FRYL: variants seen among roughly 807,000 people sequenced by gnomAD.
FRYL encodes the protein FRY like transcription coactivator.
A neutral mutation model predicts 351.2 loss-of-function variants in FRYL; 150 were observed. That is an observed-to-expected ratio of 0.43 (90% CI 0.37 to 0.49). The LOEUF is 0.49. FRYL is among the 20% of genes least tolerant of loss of function. FRYL has a pLI of 0.00. For missense variants in FRYL, 3,036 were observed against 3,619.3 expected (o/e 0.84, Z 4.13); for synonymous variants, 1,153 against 1,257.1 (o/e 0.92, Z 1.75).
rs1553957679 is a variant in FRYL at position 48,632,110 on chromosome 4, A to ATATATG, written c.120+2180_120+2181insCATATA. ...AAAAAAAATATATATATATATATAT[A>ATATATG]TATATATATATATATATATGCGCAC... On this transcript the variant is annotated intron_variant, in intron 4 of 63. Coordinates refer to ENST00000358350, the MANE Select transcript of FRYL (RefSeq NM_015030.2). Among the ~76,000 whole-genome samples, 226 of 94,722 alleles carry ATATATG rather than the reference A, an allele frequency of 2.4e-3. 4 individuals carry two copies. The highest frequency in any genetic ancestry group is 4.0e-3 in the Non-Finnish European group (196 of 49,238). The allele number at this position is 94,722 out of a possible 152,430, so 62.1% of individuals were successfully genotyped here.
rs574561990 is a variant in FRYL at position 48,695,060 on chromosome 4, T to TCAAA, written c.-203-10269_-203-10266dup. Among the ~76,000 whole-genome samples the TCAAA allele has an allele frequency of 2.6e-3, 398 of 152,216 alleles. 2 individuals are homozygous for TCAAA. Among genetic ancestry groups the TCAAA allele is most frequent in the African/African-American group, 3.9e-3 (164 of 41,538 alleles). On this transcript the variant is annotated intron_variant, in intron 2 of 63. Transcript: ENST00000358350. ...CTGGGCAACAGAGTGAGACCCTGTT[T>TCAAA]CAAACAAACAAACAAACAAACAAAC...
intron 57 of FRYL, 122 bp downstream of exon 57, chr4:48,512,359 G>GAA: frequency 4.3e-6 from 3 of 697,656 alleles, no homozygotes; most frequent in Non-Finnish European, 7.1e-6. Context: ...CATTAGCTTA[G>GAA]AAAAAAAAAA....
At chr4:48,664,620 C>G (rs562182566) in intron 3 of FRYL, among the ~76,000 whole-genome samples, 2 of 152,196 alleles carry the variant, frequency 1.3e-5, no homozygotes, top group South Asian at 4.1e-4. Context: ...ATCTAAAATA[C>G]AAAGGGATGA....
At chr4:48,691,343 G>A (rs1765658255) in intron 2 of FRYL, among the ~76,000 whole-genome samples, 1 of 151,670 alleles carries the variant, frequency 6.6e-6, no homozygotes, top group African/African-American at 2.4e-5. Context: ...AAAAGGACCA[G>A]TTGAAAAAAA....
At chr4:48,550,138 A>C (rs1352430028) in intron 38 of FRYL, among the ~76,000 whole-genome samples, 1 of 152,196 alleles carries the variant, frequency 6.6e-6, no homozygotes, top group Non-Finnish European at 1.5e-5. Flanking sequence ...AAATGAGGAG[A>C]TTGGACCAGA....
rs367781316 is a variant in FRYL, at chr4:48,515,031, G to C, written c.7934C>G (p.Ser2645Cys). The C allele has an allele frequency of 7.4e-6, 12 of 1,613,146 alleles. No homozygotes were observed. Among genetic ancestry groups the C allele is most frequent in the Admixed American group, 6.7e-5 (4 of 59,938 alleles). Residue 2645 changes from serine to cysteine, a missense_variant, in exon 56 of 64, where the codon TCT becomes TGT. Transcript: ENST00000358350. ...GTTTATGATACTGTATTCTCACCTA[G>C]ACAGTCCGGAGAAATCCGCTTCTTC... ...EEEEADFSGL[S>C]SQDEEEQDGF...
intron 1 of FRYL, among the ~76,000 whole-genome samples, chr4:48,743,870 T>C (rs1174836573): frequency 1.3e-5 from 2 of 152,204 alleles, no homozygotes; most frequent in Non-Finnish European, 2.9e-5. Flanking sequence ...CCGCAGATTT[T>C]TGACTTGTCA....
intron 27 of FRYL, among the ~76,000 whole-genome samples, chr4:48,568,726 C>T (rs1395707252): frequency 6.6e-6 from 1 of 152,018 alleles, no homozygotes; most frequent in Non-Finnish European, 1.5e-5. Context: ...GACCTTTATT[C>T]CTTAAATAAG....
intron 4 of FRYL, among the ~76,000 whole-genome samples, chr4:48,628,431 C>CGCGTGTGTGT (rs1553956077): frequency 1.4e-5 from 2 of 144,662 alleles, no homozygotes; most frequent in Admixed American, 1.4e-4. Flanking sequence ...CCTTCATTTG[C>CGCGTGTGTGT]GTGTGTGTGT....
rs1271182099 is a variant in FRYL, at chr4:48,556,912, C to A, written c.4266+66G>T. On this transcript the variant is annotated intron_variant, in intron 35 of 63. Coordinates refer to ENST00000358350, the MANE Select transcript of FRYL (RefSeq NM_015030.2). Reference sequence around the variant, plus strand: ...CTCCTGGGCAACTGCTGCCCATACTCTGACATCACAAGATACTAGTAAATA... The same window carrying A: ...CTCCTGGGCAACTGCTGCCCATACTATGACATCACAAGATACTAGTAAATA... 2.9e-6 allele frequency: 4 copies of A among 1,381,822 alleles called. No individual in the cohort carries two copies. The Admixed American group carries it at 8.3e-5, about 29-fold the overall frequency. The allele number at this position is 1,381,822 out of a possible 1,614,324, so 85.6% of individuals were successfully genotyped here.
rs747682480 is a variant in FRYL, at chr4:48,546,153, A to G, written c.5193T>C (p.His1731=). The change falls in exon 42 of 64, where the codon CAT becomes CAC. Residue 1731 remains histidine (H), a synonymous_variant. Coordinates refer to ENST00000358350, the MANE Select transcript of FRYL (RefSeq NM_015030.2). The part of the protein sequence containing the change: ...SLGNNSAAIS[H]LHTTILNEVD... ...CCTCATTGAGGATAGTGGTGTGCAG[A>G]TGTGAAATGGCAGCACTGTTATTTC... is the stretch of plus-strand genomic sequence containing the variant. 6.2e-7 allele frequency: 1 copy of G among 1,613,778 alleles called. No homozygotes were observed. The highest frequency in any genetic ancestry group is 8.5e-7 in the Non-Finnish European group (1 of 1,179,830).
chr4:48,728,810 A>G (rs1474944402), intron 1 of FRYL, among the ~76,000 whole-genome samples: 1 of 152,206 alleles, frequency 6.6e-6, no homozygotes, highest in Non-Finnish European at 1.5e-5. Context: ...AGATCAACGC[A>G]GAAGATGGTG....
chr4:48,606,406 C>T, intron 10 of FRYL, 32 bp downstream of exon 10: 1 of 1,468,580 alleles, frequency 6.8e-7, no homozygotes, highest in South Asian at 1.2e-5. Context: ...GTTAGGCTTG[C>T]TCTATTTACT....
intron 3 of FRYL, among the ~76,000 whole-genome samples, chr4:48,644,435 TCAGAA>T (rs1755961768): frequency 1.4e-5 from 2 of 146,618 alleles, no homozygotes; most frequent in Admixed American, 1.4e-4. Flanking sequence ...TATGATTATA[TCAGAA>T]CATAATATAA....
intron 3 of FRYL, among the ~76,000 whole-genome samples, chr4:48,655,300 C>T (rs1000314760): frequency 6.6e-6 from 1 of 152,024 alleles, no homozygotes; most frequent in African/African-American, 2.4e-5. Context: ...CAACACAGAA[C>T]CATAATACCA....
chr4:48,640,886 AAAT>A (rs1424689036), intron 3 of FRYL, among the ~76,000 whole-genome samples: 1 of 152,202 alleles, frequency 6.6e-6, no homozygotes, highest in Non-Finnish European at 1.5e-5. Context: ...GGAAGAGTGA[AAAT>A]AAAAAACAGC....
rs1308739080 is a variant in FRYL, at chr4:48,620,621, G to A, written c.314+18C>T. Reference sequence around the variant, plus strand: ...GTGTGTTAATTCCAGGTGAAACAGTGTAAAATAAAGCACTTACCCCTTAGA... The same window carrying A: ...GTGTGTTAATTCCAGGTGAAACAGTATAAAATAAAGCACTTACCCCTTAGA... On this transcript the variant is annotated intron_variant, in intron 6 of 63. Coordinates refer to ENST00000358350, the MANE Select transcript of FRYL (RefSeq NM_015030.2). 4 of 1,602,470 alleles carry A rather than the reference G, an allele frequency of 2.5e-6. No individual in the cohort carries two copies. Among genetic ancestry groups the A allele is most frequent in the Middle Eastern group, 1.7e-4 (1 of 6,026 alleles).
intron 9 of FRYL, 101 bp from the exon 10 acceptor site, chr4:48,606,707 T>C (rs1746918564): frequency 3.7e-6 from 3 of 810,728 alleles, no homozygotes; most frequent in Admixed American, 2.7e-5. Context: ...CTAAATATCA[T>C]CTCCTTTCTC....
intron 55 of FRYL, among the ~76,000 whole-genome samples, chr4:48,518,106 T>C (rs1724039223): frequency 6.6e-6 from 1 of 152,180 alleles, no homozygotes; most frequent in African/African-American, 2.4e-5. Flanking sequence ...GTAGAACTGT[T>C]TCTAAATGAA....
Sources: gnomAD v4.1 joint callset for allele counts (sites outside exome capture counted in the v4.1 genomes callset) on GRCh38, gnomAD v4.1.1 for gene constraint, MANE v1.5 for transcripts, NCBI Gene and HGNC (gene_info 2026-07-23, HGNC 2026-07-21) for gene names.